The following LRRC7 variants were observed in gnomAD, a reference collection of about 807,000 sequenced individuals.
LRRC7 encodes leucine-rich repeat-containing protein 7.
LRRC7 carries 23 observed loss-of-function variants against 175.7 expected under a neutral mutation model. That is an observed-to-expected ratio of 0.13 (90% CI 0.09 to 0.19). The LOEUF is 0.19. Among genes scored for constraint, LRRC7 ranks in the 10% least tolerant of loss-of-function variants. LRRC7 has a pLI of 1.00. For synonymous variants in LRRC7, 685 were observed against 680.9 expected (o/e 1.01, Z -0.09); for missense variants, 1,354 against 1,904.7 (o/e 0.71, Z 5.38).
At chr1:69,633,184 T>C (rs1652780191) in intron 1 of LRRC7, among the ~76,000 whole-genome samples, 1 of 152,012 alleles carries the variant, frequency 6.6e-6, no homozygotes, top group African/African-American at 2.4e-5. Flanking sequence ...CTTATATATT[T>C]TTTGTTTACA....
intron 2 of LRRC7, among the ~76,000 whole-genome samples, chr1:69,710,984 CA>C (rs1664686973): frequency 6.6e-6 from 1 of 152,074 alleles, no homozygotes; most frequent in South Asian, 2.1e-4. Context: ...GGGCTTACTG[CA>C]AAAACGTTCT....
chr1:69,917,158 T>C (rs1324521180), intron 7 of LRRC7, among the ~76,000 whole-genome samples: 1 of 152,174 alleles, frequency 6.6e-6, no homozygotes, highest in African/African-American at 2.4e-5. Context: ...AATATGCAAA[T>C]GAGTCTAAAT....
intron 2 of LRRC7, among the ~76,000 whole-genome samples, chr1:69,680,045 T>C (rs550338271): frequency 6.6e-6 from 1 of 152,230 alleles, no homozygotes; most frequent in South Asian, 2.1e-4. Flanking sequence ...TTTACCTGGG[T>C]CTTCATAAAA....
chr1:69,857,613 A>G (rs1483800513), intron 7 of LRRC7, among the ~76,000 whole-genome samples: 1 of 152,188 alleles, frequency 6.6e-6, no homozygotes, highest in Non-Finnish European at 1.5e-5. Flanking sequence ...ATAAAAGAGG[A>G]CACAAACAAA....
chr1:69,670,345 T>G (rs544394573), intron 1 of LRRC7, among the ~76,000 whole-genome samples: 2 of 152,332 alleles, frequency 1.3e-5, no homozygotes, highest in South Asian at 4.1e-4. Flanking sequence ...CTACCTTAGT[T>G]GTCTTGCATA....
chr1:69,886,930 A>G (rs1425728524), intron 7 of LRRC7, among the ~76,000 whole-genome samples: 1 of 152,064 alleles, frequency 6.6e-6, no homozygotes, highest in Non-Finnish European at 1.5e-5. Flanking sequence ...TTCTTTAAGA[A>G]TGTTGAAAAT....
chr1:70,087,454 A>G (rs1187593021), intron 24 of LRRC7, among the ~76,000 whole-genome samples: 1 of 152,148 alleles, frequency 6.6e-6, no homozygotes, highest in Non-Finnish European at 1.5e-5. Flanking sequence ...CAAAAGAAAA[A>G]TGTTTTCATC....
Position 70,038,363 on chromosome 1 carries a change from C to A in LRRC7, c.2539C>A (p.Pro847Thr). The change falls in exon 21 of 27, where the codon CCT (proline) becomes ACT (threonine). Residue 847 changes from proline (P) to threonine (T), a missense_variant. Transcript: ENST00000651989. ...SRSTSSHGRRPLIRQDRIVGV... is the reference protein window; with the variant it reads ...SRSTSSHGRRTLIRQDRIVGV... Reference sequence around the variant, plus strand: ...AAGCACATCTTCGCATGGACGCAGGCCTTTGATCAGGCAAGACAGGATTGT... The same window carrying A: ...AAGCACATCTTCGCATGGACGCAGGACTTTGATCAGGCAAGACAGGATTGT... 1 of 1,614,088 alleles carries A rather than the reference C, an allele frequency of 6.2e-7. No individual in the cohort carries two copies. Among genetic ancestry groups the A allele is most frequent in the Non-Finnish European group, 8.5e-7 (1 of 1,180,004 alleles).
chr1:69,721,637 T>C (rs929875503), intron 2 of LRRC7, among the ~76,000 whole-genome samples: 11 of 151,870 alleles, frequency 7.2e-5, no homozygotes, highest in Admixed American at 5.9e-4. Flanking sequence ...CCACATTCGA[T>C]TTTATATCTG....
At chr1:69,953,813 T>G (rs1010371269) in intron 8 of LRRC7, among the ~76,000 whole-genome samples, 1 of 152,038 alleles carries the variant, frequency 6.6e-6, no homozygotes, top group African/African-American at 2.4e-5. Flanking sequence ...TGTTACAGAT[T>G]TTTATTTCTA....
intron 21 of LRRC7, among the ~76,000 whole-genome samples, chr1:70,042,435 CG>C (rs1178961731): frequency 6.6e-6 from 1 of 152,166 alleles, no homozygotes; most frequent in Non-Finnish European, 1.5e-5. Flanking sequence ...GTCCATTCTA[CG>C]TAAAAGACAA....
chr1:69,701,369 C>T (rs1208966292), intron 2 of LRRC7, among the ~76,000 whole-genome samples: 1 of 152,114 alleles, frequency 6.6e-6, no homozygotes, highest in South Asian at 2.1e-4. Context: ...GGTGGAAACA[C>T]GGACTGTGAT....
At chr1:69,660,862 T>C (rs572049752) in intron 1 of LRRC7, among the ~76,000 whole-genome samples, 15 of 152,240 alleles carry the variant, frequency 9.9e-5, no homozygotes, top group Non-Finnish European at 2.2e-4. Context: ...AAAAGGACCC[T>C]CTGGATGTTG....
intron 1 of LRRC7, among the ~76,000 whole-genome samples, chr1:69,575,511 CCTATG>C (rs1427998651): frequency 1.3e-5 from 2 of 152,000 alleles, no homozygotes; most frequent in African/African-American, 4.8e-5. Flanking sequence ...TAGGCAGACT[CCTATG>C]CTATAAATTT....
At chr1:69,706,111 GC>G (rs1375732563) in intron 2 of LRRC7, among the ~76,000 whole-genome samples, 5 of 152,140 alleles carry the variant, frequency 3.3e-5, no homozygotes, top group African/African-American at 1.2e-4. Context: ...CAAGTTAATG[GC>G]CTTGTCTTGA....
intron 1 of LRRC7, among the ~76,000 whole-genome samples, chr1:69,659,094 G>A (rs1323973542): frequency 6.6e-6 from 1 of 151,986 alleles, no homozygotes; most frequent in Non-Finnish European, 1.5e-5. Context: ...GCCTACTAAG[G>A]AGGCAGGTTG....
chr1:69,682,103 C>T (rs1476608911), intron 2 of LRRC7, among the ~76,000 whole-genome samples: 3 of 152,028 alleles, frequency 2.0e-5, no homozygotes, highest in South Asian at 2.1e-4. Context: ...TTTTTGTTGG[C>T]TGCCAGCTGA....
chr1:69,828,851 A>G (rs1347012795), intron 5 of LRRC7, among the ~76,000 whole-genome samples: 1 of 151,982 alleles, frequency 6.6e-6, no homozygotes. Flanking sequence ...AGAATTTTAT[A>G]TGGTTTAACT....
At chr1:69,710,029 G>A (rs1415149755) in intron 2 of LRRC7, among the ~76,000 whole-genome samples, 1 of 151,996 alleles carries the variant, frequency 6.6e-6, no homozygotes, top group Non-Finnish European at 1.5e-5. Flanking sequence ...TGTAATCTTA[G>A]CACTTTGGGA....
Sources: allele counts gnomAD v4.1 joint callset (sites outside exome capture counted in the v4.1 genomes callset), GRCh38; gene constraint gnomAD v4.1.1; transcripts MANE v1.5; gene names NCBI Gene and HGNC (gene_info 2026-07-23, HGNC 2026-07-21).